Variants in SEC13 observed in about 807,000 individuals in gnomAD.
SEC13 encodes the protein protein SEC13 homolog.
In SEC13, 25 loss-of-function variants were observed where a neutral mutation model predicts 49.2. That is an observed-to-expected ratio of 0.51 (90% CI 0.37 to 0.71). SEC13 has a LOEUF of 0.71. Ranked by LOEUF, SEC13 falls within the 30% of genes least tolerant of loss-of-function variation. The pLI is 0.00. For synonymous variants in SEC13, 148 were observed against 163.9 expected (o/e 0.90, Z 0.74); for missense variants, 383 against 417.6 (o/e 0.92, Z 0.72).
At position 10,301,184 on chromosome 3, in the gene SEC13, C is replaced by T. The variant is rs1700479230; in HGVS notation, c.*77G>A. The T allele has an allele frequency of 8.1e-6, 13 of 1,613,818 alleles. No individual in the cohort carries two copies. The highest frequency in any genetic ancestry group is 9.3e-6 in the Non-Finnish European group (11 of 1,179,768). On this transcript the variant is annotated 3_prime_UTR_variant, in exon 9 of 9. Transcript: ENST00000350697. The stretch of plus-strand genomic sequence containing the variant: ...ATCCTGTTGGAGTTGGGGGCTCTTC[C>T]CAGTTGTCTGGTTAGTTGGCCCAGG...
intron 8 of SEC13, 167 bp downstream of exon 8, chr3:10,303,859 A>G: frequency 1.4e-6 from 1 of 703,488 alleles, no homozygotes. Context: ...ATACTACCTC[A>G]GGGGCTGTGA....
At position 10,305,452 on chromosome 3, in the gene SEC13, GGAGA is replaced by G; in HGVS notation, c.584+103_584+106del. On this transcript the variant is annotated intron_variant, in intron 6 of 8. Transcript: ENST00000350697. The stretch of plus-strand genomic sequence containing the variant: ...GAAAACAGTATTTTACTGGCAGGAG[GGAGA>G]AAGAAAGGTGACCTTGTTTCTTGTG... The G allele has an allele frequency of 3.6e-6, 5 of 1,383,748 alleles. No homozygotes were observed. In the South Asian group the frequency reaches 3.9e-5, roughly 11 times the overall value. 85.7% of individuals were successfully genotyped at this position (1,383,748 alleles called of 1,614,324 possible).
chr3:10,307,263 C>T (rs1700938525), intron 5 of SEC13, among the ~76,000 whole-genome samples: 2 of 150,406 alleles, frequency 1.3e-5, no homozygotes, highest in South Asian at 2.1e-4. Flanking sequence ...GGATGGAGTG[C>T]AGAGGCGCGA....
chr3:10,304,311 G>A (rs1700727558), intron 7 of SEC13, 139 bp from the exon 8 acceptor site: 2 of 747,752 alleles, frequency 2.7e-6, no homozygotes, highest in Non-Finnish European at 4.5e-6. Context: ...GAGGACCTCT[G>A]GGGCGTCCAC....
intron 1 of SEC13, among the ~76,000 whole-genome samples, chr3:10,319,828 A>G (rs1296751403): frequency 0.011 from 171 of 15,202 alleles, no homozygotes; most frequent in African/African-American, 0.015. Context: ...GGAAAGAGGG[A>G]GGGGGAGAGA....
At chr3:10,317,560 C>T (rs1011594383) in intron 2 of SEC13, among the ~76,000 whole-genome samples, 13 of 152,168 alleles carry the variant, frequency 8.5e-5, no homozygotes, top group Admixed American at 3.3e-4. Flanking sequence ...GTTCAAAGGG[C>T]CTTGTCTGGC....
At chr3:10,320,528 CA>C in intron 1 of SEC13, 1 of 985,818 alleles carries the variant, frequency 1.0e-6, no homozygotes, top group Non-Finnish European at 1.2e-6. Context: ...CTACCCCGAG[CA>C]ACAGTTCAAT....
chr3:10,319,995 A>C (rs1574898412), intron 1 of SEC13, among the ~76,000 whole-genome samples: 1 of 41,554 alleles, frequency 2.4e-5, no homozygotes, highest in African/African-American at 9.7e-5. Flanking sequence ...GTGGGGAGAG[A>C]GGGAGGGTGG....
At chr3:10,316,657 C>T (rs1701626203) in intron 2 of SEC13, among the ~76,000 whole-genome samples, 1 of 152,138 alleles carries the variant, frequency 6.6e-6, no homozygotes, top group Admixed American at 6.5e-5. Flanking sequence ...GCCTTAGTTC[C>T]CTTATCTTTA....
intron 1 of SEC13, among the ~76,000 whole-genome samples, chr3:10,319,622 G>A (rs2059728511): frequency 6.6e-6 from 1 of 151,998 alleles, no homozygotes; most frequent in Non-Finnish European, 1.5e-5. Flanking sequence ...GTTCTGTAAA[G>A]CTGCGGTTAA....
chr3:10,315,210 G>A (rs1015424668), intron 3 of SEC13, 111 bp downstream of exon 3: 11 of 765,702 alleles, frequency 1.4e-5, no homozygotes, highest in Admixed American at 2.4e-5. Context: ...CGCTAAATGT[G>A]CTTTGGGGTT....
At position 10,320,938 on chromosome 3, in the gene SEC13, G is replaced by A. The variant is rs572462638; in HGVS notation, c.3+112C>T. 5.6e-5 allele frequency: 87 copies of A among 1,541,764 alleles called. No individual in the cohort carries two copies. In the African/African-American group the frequency reaches 1.1e-3, roughly 20 times the overall value. On this transcript the variant is annotated intron_variant, in intron 1 of 8. Transcript: ENST00000350697. ...GCCCCCCAAATCTCTAAGCGGTGGAGGGGAGCTGAACGGCTCCAGCTTGGG... is the reference window on the plus strand; with the variant it reads ...GCCCCCCAAATCTCTAAGCGGTGGAAGGGAGCTGAACGGCTCCAGCTTGGG...
intron 5 of SEC13, 91 bp from the exon 6 acceptor site, chr3:10,305,783 C>A (rs1700836261): frequency 6.9e-7 from 1 of 1,442,664 alleles, no homozygotes; most frequent in African/African-American, 1.4e-5. Context: ...CTCCGCTTCT[C>A]AGGACTGGAG....
At chr3:10,313,591 C>T (rs1232919643) in intron 3 of SEC13, 1 of 276,244 alleles carries the variant, frequency 3.6e-6, no homozygotes, top group Non-Finnish European at 8.2e-6. Flanking sequence ...GTCTCCTCCT[C>T]CCTCTGGCTG....
At chr3:10,308,833 T>A (rs1701060138) in intron 5 of SEC13, among the ~76,000 whole-genome samples, 1 of 149,660 alleles carries the variant, frequency 6.7e-6, no homozygotes, top group East Asian at 2.0e-4. Context: ...GGTCTCACTA[T>A]GTTGGCCAGG....
In SEC13 at chr3:10,315,372, T is replaced by C. The variant is rs906510801; in HGVS notation, c.113A>G (p.Lys38Arg). ...LATCSSDRSVKIFDVRNGGQI... is the reference protein window; with the variant it reads ...LATCSSDRSVRIFDVRNGGQI... The stretch of plus-strand genomic sequence containing the variant: ...CCCTCCATTGCGCACATCAAAGATT[T>C]TGACGGACCTGTCTGATGAGCAGGT... Residue 38 changes from lysine (K) to arginine (R), a missense_variant, in exon 3 of 9, where the codon AAA (lysine) becomes AGA (arginine). Physicochemically the swap from Lys to Arg is conservative, Grantham distance 26. Transcript: ENST00000350697. The C allele has an allele frequency of 5.6e-6, 9 of 1,612,790 alleles. No homozygotes were observed. Among genetic ancestry groups the C allele is most frequent in the African/African-American group, 1.3e-5 (1 of 74,656 alleles).
chr3:10,308,390 C>A (rs1476056266), intron 5 of SEC13, among the ~76,000 whole-genome samples: 1 of 151,826 alleles, frequency 6.6e-6, no homozygotes, highest in Non-Finnish European at 1.5e-5. Flanking sequence ...TTTGTTAAGT[C>A]ATTTCTTTTT....
In SEC13 at chr3:10,301,021, T is replaced by C. The variant is rs151290127; in HGVS notation, c.*240A>G. Reference sequence around the variant, plus strand: ...AAAGGTACATAAAAATGACCCAAAATAGATTTGAACATCACTTGTAGTTTC... The same window carrying C: ...AAAGGTACATAAAAATGACCCAAAACAGATTTGAACATCACTTGTAGTTTC... On this transcript the variant is annotated 3_prime_UTR_variant, in exon 9 of 9. Transcript: ENST00000350697. 6.1e-4 allele frequency: 935 copies of C among 1,522,830 alleles called. 1 individual carries two copies. Among genetic ancestry groups the C allele is most frequent in the Non-Finnish European group, 7.4e-4 (828 of 1,112,602 alleles). The allele number at this position is 1,522,830 out of a possible 1,614,324, so 94.3% of individuals were successfully genotyped here.
intron 2 of SEC13, among the ~76,000 whole-genome samples, 178 bp downstream of exon 2, chr3:10,317,872 G>A (rs1701701610): frequency 6.6e-6 from 1 of 152,114 alleles, no homozygotes; most frequent in Non-Finnish European, 1.5e-5. Flanking sequence ...ACAACTCAGA[G>A]GGCACTGCTA....
Sources: gnomAD v4.1 joint callset for allele counts (sites outside exome capture counted in the v4.1 genomes callset) on GRCh38, gnomAD v4.1.1 for gene constraint, MANE v1.5 for transcripts, NCBI Gene and HGNC (gene_info 2026-07-23, HGNC 2026-07-21) for gene names.